The following TRPS1 variants were observed in gnomAD, a reference collection of about 807,000 sequenced individuals.
TRPS1 encodes transcriptional repressor GATA binding 1, also known as zinc finger transcription factor Trps1.
A neutral mutation model predicts 101.2 loss-of-function variants in TRPS1; 6 were observed. The observed-to-expected ratio is 0.06, with a 90% CI of 0.03 to 0.12. The LOEUF is 0.12. TRPS1 is among the 10% of genes least tolerant of loss of function. The pLI is 1.00. For missense variants in TRPS1, 1,363 were observed against 1,567.0 expected (o/e 0.87, Z 2.20); for synonymous variants, 578 against 589.8 (o/e 0.98, Z 0.29).
At chr8:115,442,550 C>CGT (rs10570037) in intron 5 of TRPS1, among the ~76,000 whole-genome samples, 4,097 of 144,990 alleles carry the variant, frequency 0.028, 84 homozygotes, top group Middle Eastern at 0.1. Context: ...AAGTATGGTG[C>CGT]GTGTGTGTGT....
chr8:115,486,010 C>T (rs1435829171), intron 5 of TRPS1, among the ~76,000 whole-genome samples: 1 of 152,166 alleles, frequency 6.6e-6, no homozygotes, highest in Non-Finnish European at 1.5e-5. Context: ...TCTTATTAGG[C>T]TTTGCTTTAT....
At chr8:115,571,350 T>G (rs906338458) in intron 5 of TRPS1, among the ~76,000 whole-genome samples, 1 of 152,172 alleles carries the variant, frequency 6.6e-6, no homozygotes, top group African/African-American at 2.4e-5. Context: ...TTGTACTTAT[T>G]ATAACAAAAC....
At chr8:115,483,082 C>T (rs1814794874) in intron 5 of TRPS1, among the ~76,000 whole-genome samples, 1 of 152,134 alleles carries the variant, frequency 6.6e-6, no homozygotes, top group African/African-American at 2.4e-5. Context: ...TATTTATCCT[C>T]ATGTTTCCAG....
Position 115,450,523 on chromosome 8 carries a change from TA to T in TRPS1, c.2701-32072del, listed in dbSNP as rs907699438. ...CTAGCTAATGCGCTGACTCTTTTTT[TA>T]AAAAAAAAAAACTTTTAACCCTGAA... On this transcript the variant is annotated intron_variant, in intron 5 of 6. Transcript: ENST00000395715. Among the ~76,000 whole-genome samples, 592 of 146,900 alleles carry T rather than the reference TA, an allele frequency of 4.0e-3. 6 individuals are homozygous for T. Among genetic ancestry groups the T allele is most frequent in the Non-Finnish European group, 5.2e-3 (341 of 66,190 alleles).
At chr8:115,513,837 A>G (rs1815643792) in intron 5 of TRPS1, among the ~76,000 whole-genome samples, 1 of 151,642 alleles carries the variant, frequency 6.6e-6, no homozygotes, top group South Asian at 2.1e-4. Flanking sequence ...TCTGTTGAAT[A>G]GTGTCCTGTG....
At chr8:115,498,297 G>C (rs1411602818) in intron 5 of TRPS1, among the ~76,000 whole-genome samples, 1 of 150,924 alleles carries the variant, frequency 6.6e-6, no homozygotes, top group African/African-American at 2.4e-5. Flanking sequence ...AGCATCGCCT[G>C]AGCCTCTAAA....
At chr8:115,486,322 A>G (rs1339061704) in intron 5 of TRPS1, among the ~76,000 whole-genome samples, 2 of 152,192 alleles carry the variant, frequency 1.3e-5, no homozygotes, top group East Asian at 3.8e-4. Flanking sequence ...CTGACCAGCC[A>G]TTCCCTCATC....
chr8:115,594,895 T>C (rs1817753217), intron 4 of TRPS1, among the ~76,000 whole-genome samples: 1 of 151,930 alleles, frequency 6.6e-6, no homozygotes, highest in African/African-American at 2.4e-5. Flanking sequence ...TTGTTTTTTT[T>C]CTTTTAAATG....
At chr8:115,667,667 C>T (rs1353922793) in intron 1 of TRPS1, among the ~76,000 whole-genome samples, 1 of 152,222 alleles carries the variant, frequency 6.6e-6, no homozygotes, top group Non-Finnish European at 1.5e-5. Context: ...CCAAGCTGTC[C>T]TGAGCCGCTC....
chr8:115,414,337 T>C lies in TRPS1; in HGVS notation c.3571A>G (p.Asn1191Asp). The C allele has an allele frequency of 1.2e-6, 2 of 1,613,992 alleles. No individual in the cohort carries two copies. The highest frequency in any genetic ancestry group is 2.2e-5 in the South Asian group (2 of 91,084). Residue 1191 changes from asparagine to aspartate, a missense_variant, in exon 7 of 7, where the codon AAC becomes GAC. Asn to Asp is a conservative substitution (Grantham distance 23, BLOSUM62 1). This residue lies in a region of TRPS1 where 307 missense variants were observed against 392.4 expected (regional missense o/e 0.78). Transcript: ENST00000395715. This position sits in a 1 kb window ranked among gnomAD's most constrained non-coding sequence, Gnocchi z 4.8. ...IKHSRPGPTA[N>D]GASKEKTKAP... ...TTCGTTTTCTCCTTGGAGGCACCGT[T>C]TGCAGTTGGCCCAGGTCTGGAATGC... is the stretch of plus-strand genomic sequence containing the variant.
chr8:115,507,788 T>G (rs2130173426), intron 5 of TRPS1, among the ~76,000 whole-genome samples: 1 of 152,232 alleles, frequency 6.6e-6, no homozygotes, highest in African/African-American at 2.4e-5. Context: ...TAACATTTAT[T>G]ACAACACATA....
intron 5 of TRPS1, among the ~76,000 whole-genome samples, chr8:115,504,251 G>A (rs1815387212): frequency 6.6e-6 from 1 of 152,090 alleles, no homozygotes; most frequent in Non-Finnish European, 1.5e-5. Context: ...CAAGGCCAAG[G>A]GGAATGAGAA....
At chr8:115,598,234 T>C (rs1817832054) in intron 4 of TRPS1, among the ~76,000 whole-genome samples, 1 of 152,202 alleles carries the variant, frequency 6.6e-6, no homozygotes, top group South Asian at 2.1e-4. Flanking sequence ...TTTCCAAGTA[T>C]GTATAACAAA....
chr8:115,462,583 C>T (rs1297449151), intron 5 of TRPS1, among the ~76,000 whole-genome samples: 2 of 149,728 alleles, frequency 1.3e-5, no homozygotes, highest in Non-Finnish European at 3.0e-5. Flanking sequence ...GGTCCACAAA[C>T]AAAACTTTAC....
intron 5 of TRPS1, among the ~76,000 whole-genome samples, chr8:115,559,447 T>C (rs1367343136): frequency 1.3e-5 from 2 of 152,186 alleles, no homozygotes; most frequent in East Asian, 3.9e-4. Flanking sequence ...CTCATTCTGA[T>C]TTATTCCTAG....
intron 5 of TRPS1, among the ~76,000 whole-genome samples, chr8:115,477,816 A>G (rs1455278127): frequency 6.7e-6 from 1 of 149,786 alleles, no homozygotes; most frequent in African/African-American, 2.5e-5. Flanking sequence ...TTTTTTTTTC[A>G]TTTAATTTCA....
chr8:115,644,916 T>C (rs1818987675), intron 1 of TRPS1, among the ~76,000 whole-genome samples: 3 of 152,130 alleles, frequency 2.0e-5, no homozygotes, highest in African/African-American at 4.8e-5. Context: ...CAAACACATT[T>C]ATCAATTAAG....
At chr8:115,421,682 C>G (rs1813064701) in intron 5 of TRPS1, among the ~76,000 whole-genome samples, 1 of 152,146 alleles carries the variant, frequency 6.6e-6, no homozygotes, top group Admixed American at 6.5e-5. Context: ...CTAGTCGAAC[C>G]TTATTTTTGG....
chr8:115,548,278 A>G lies in TRPS1; in HGVS notation c.2700+38723T>C, dbSNP rs114498110. Among the ~76,000 whole-genome samples the G allele has an allele frequency of 5.8e-3, 884 of 152,178 alleles. 12 individuals carry two copies. The highest frequency in any genetic ancestry group is 0.02 in the African/African-American group (847 of 41,508). On this transcript the variant is annotated intron_variant, in intron 5 of 6. Coordinates refer to ENST00000395715, the MANE Select transcript of TRPS1 (RefSeq NM_014112.5). ...CTAAACCTAAAGAAATCAAGTTTTA[A>G]TTGTGGGCATTTTAGAAACCAAATC...
Sources: allele counts gnomAD v4.1 joint callset (sites outside exome capture counted in the v4.1 genomes callset), GRCh38; gene constraint gnomAD v4.1.1; regional missense constraint gnomAD v4.1.1; non-coding constraint Gnocchi (gnomAD v3.1); transcripts MANE v1.5; gene names NCBI Gene and HGNC (gene_info 2026-07-23, HGNC 2026-07-21).